SH3BP5: variants seen among roughly 807,000 people sequenced by gnomAD.
The protein encoded by SH3BP5 is SH3 domain binding protein 5, also known as SH3 domain-binding protein 5.
A neutral mutation model predicts 43.3 loss-of-function variants in SH3BP5; 22 were observed. That is an observed-to-expected ratio of 0.51 (90% CI 0.36 to 0.73). The LOEUF is 0.73. SH3BP5 is among the 30% of genes least tolerant of loss of function. The pLI, the probability that SH3BP5 is intolerant of heterozygous loss-of-function variation, is 0.00. For missense variants in SH3BP5, 529 were observed against 586.9 expected (o/e 0.90, Z 1.02); for synonymous variants, 255 against 225.8 (o/e 1.13, Z -1.16).
At chr3:15,296,928 C>G (rs929566273) in intron 3 of SH3BP5, among the ~76,000 whole-genome samples, 1 of 151,534 alleles carries the variant, frequency 6.6e-6, no homozygotes, top group African/African-American at 2.4e-5. Flanking sequence ...AACTCCTGGG[C>G]TCAAGCAATC....
At chr3:15,282,832 G>A (rs184137334) in intron 3 of SH3BP5, among the ~76,000 whole-genome samples, 3 of 152,014 alleles carry the variant, frequency 2.0e-5, no homozygotes, top group East Asian at 1.9e-4. Context: ...GAGGGTGGAC[G>A]AAACCTGATT....
At chr3:15,332,605 C>G, upstream of SH3BP5, 1 of 1,193,004 alleles carries the variant, frequency 8.4e-7, no homozygotes, top group South Asian at 4.1e-5. Flanking sequence ...CGCGGCCGCC[C>G]CCTTTCTGCC....
chr3:15,314,130 A>AT (rs1046271824), intron 2 of SH3BP5, among the ~76,000 whole-genome samples: 84 of 150,652 alleles, frequency 5.6e-4, no homozygotes, highest in African/African-American at 1.6e-3. Flanking sequence ...TAACTTAGTG[A>AT]TTTTTTTTTA....
At chr3:15,258,732 C>CT in intron 7 of SH3BP5, 99 bp downstream of exon 7, 3 of 1,089,660 alleles carry the variant, frequency 2.8e-6, no homozygotes, top group South Asian at 1.4e-5. Context: ...CTGCCCAACT[C>CT]TGAGACCTTT....
chr3:15,320,850 A>G (rs1356130490), intron 2 of SH3BP5, among the ~76,000 whole-genome samples: 1 of 152,202 alleles, frequency 6.6e-6, no homozygotes, highest in African/African-American at 2.4e-5. Context: ...GGCACCTTGA[A>G]TACAGCTGGG....
At chr3:15,313,417 G>A (rs971624643) in intron 2 of SH3BP5, among the ~76,000 whole-genome samples, 2 of 152,168 alleles carry the variant, frequency 1.3e-5, no homozygotes, top group African/African-American at 4.8e-5. Flanking sequence ...TCCATTAGCA[G>A]GAACATACTA....
intron 6 of SH3BP5, chr3:15,259,296 C>G (rs922252783): frequency 5.2e-5 from 30 of 576,694 alleles, no homozygotes; most frequent in Admixed American, 1.5e-4. Flanking sequence ...GTGGAACAAA[C>G]CCCATCAGGG....
At chr3:15,274,699 G>A (rs1292790743) in intron 3 of SH3BP5, among the ~76,000 whole-genome samples, 1 of 152,148 alleles carries the variant, frequency 6.6e-6, no homozygotes, top group Non-Finnish European at 1.5e-5. Flanking sequence ...TAGCTGCTAA[G>A]ACACCAATAA....
At chr3:15,280,708 C>T (rs187263490) in intron 3 of SH3BP5, among the ~76,000 whole-genome samples, 347 of 152,302 alleles carry the variant, frequency 2.3e-3, no homozygotes, top group African/African-American at 7.4e-3. Flanking sequence ...TGTGTGCAAA[C>T]TCACAGAGCT....
intron 4 of SH3BP5, 30 bp from the exon 5 acceptor site, chr3:15,262,319 C>G (rs371651320): frequency 3.8e-6 from 6 of 1,596,786 alleles, no homozygotes; most frequent in Non-Finnish European, 5.2e-6. Flanking sequence ...TCAGCCCAGT[C>G]CAGCCCAGAA....
At position 15,257,047 on chromosome 3, in the gene SH3BP5, T is replaced by C. The variant is rs756626022; in HGVS notation, c.956A>G (p.Gln319Arg). ...TCCTGAACTAAAGCTGGACACGGACTGGGTTTCCGAGTCATCTTCAGACAC... is the reference window on the plus strand; with the variant it reads ...TCCTGAACTAAAGCTGGACACGGACCGGGTTTCCGAGTCATCTTCAGACAC... The part of the protein sequence containing the change: ...NFVSEDDSET[Q>R]SVSSFSSGPT... Residue 319 changes from glutamine (Q) to arginine (R), a missense_variant, in exon 8 of 9, where the codon CAG becomes CGG. This residue lies in a region of SH3BP5 where 369 missense variants were observed against 384.3 expected (regional missense o/e 0.96). Transcript: ENST00000383791. 1 of 1,614,166 alleles carries C rather than the reference T, an allele frequency of 6.2e-7. No homozygotes were observed.
intron 3 of SH3BP5, among the ~76,000 whole-genome samples, chr3:15,281,022 A>G (rs904486576): frequency 1.3e-5 from 2 of 152,204 alleles, no homozygotes; most frequent in Non-Finnish European, 2.9e-5. Context: ...ACGCCGGGAA[A>G]GTCCATGTGT....
chr3:15,329,890 T>C (rs1698565983), intron 2 of SH3BP5, among the ~76,000 whole-genome samples: 1 of 152,210 alleles, frequency 6.6e-6, no homozygotes, highest in East Asian at 1.9e-4. Context: ...TACACTCCCA[T>C]TGGAAAATGC....
chr3:15,256,336 A>G, intron 8 of SH3BP5, 33 bp from the exon 9 acceptor site: 1 of 1,593,462 alleles, frequency 6.3e-7, no homozygotes, highest in Non-Finnish European at 8.6e-7. Context: ...AAAAGTGAGT[A>G]TTGACAATTC....
chr3:15,332,623 T>C (rs1698646273), upstream of SH3BP5: 1 of 1,181,378 alleles, frequency 8.5e-7, no homozygotes. Flanking sequence ...GCCGCGGCAG[T>C]CAGCGCAGCG....
At chr3:15,333,266 A>G, upstream of SH3BP5, 1 of 985,484 alleles carries the variant, frequency 1.0e-6, no homozygotes, top group Non-Finnish European at 1.2e-6. Flanking sequence ...AAAAGGCCAA[A>G]CTGAAGAGGC....
At chr3:15,304,423 T>C (rs1226836869) in intron 2 of SH3BP5, 192 bp from the exon 3 acceptor site, 3 of 829,296 alleles carry the variant, frequency 3.6e-6, no homozygotes, top group Non-Finnish European at 5.9e-6. Context: ...AAACGTCCTG[T>C]GCTCTGCACA....
intron 4 of SH3BP5, among the ~76,000 whole-genome samples, chr3:15,262,906 C>T (rs1696501989): frequency 6.6e-6 from 1 of 152,008 alleles, no homozygotes; most frequent in East Asian, 1.9e-4. Context: ...TGCAGTAAGC[C>T]GAGATCACGC....
Position 15,311,128 on chromosome 3 carries a change from C to T in SH3BP5, c.202-6897G>A, listed in dbSNP as rs79336008. ...ACTGTCCTACATGTTAGAGACGACACCAAACTTCAAAAGATCCTTACTAAT... is the reference window on the plus strand; with the variant it reads ...ACTGTCCTACATGTTAGAGACGACATCAAACTTCAAAAGATCCTTACTAAT... On this transcript the variant is annotated intron_variant, in intron 2 of 8. Coordinates refer to ENST00000383791, the MANE Select transcript of SH3BP5 (RefSeq NM_004844.5). Among the ~76,000 whole-genome samples, 1,083 of 152,298 alleles carry T rather than the reference C, an allele frequency of 7.1e-3. 7 individuals are homozygous for T. Among genetic ancestry groups the T allele is most frequent in the African/African-American group, 0.019 (792 of 41,552 alleles).
Sources: gnomAD v4.1 joint callset for allele counts (sites outside exome capture counted in the v4.1 genomes callset) on GRCh38, gnomAD v4.1.1 for gene constraint, gnomAD v4.1.1 regional missense constraint, MANE v1.5 for transcripts, NCBI Gene and HGNC (gene_info 2026-07-23, HGNC 2026-07-21) for gene names.